Variants in TFEB observed in about 807,000 individuals in gnomAD.
The protein encoded by TFEB is T-cell transcription factor EB.
In TFEB, 12 loss-of-function variants were observed where a neutral mutation model predicts 48.0. The ratio of observed to expected loss-of-function variants is 0.25; its 90% CI spans 0.16 to 0.40. The LOEUF (loss-of-function observed/expected upper bound fraction) is 0.40, where lower values mean the gene tolerates loss of function less well. Among genes scored for constraint, TFEB ranks in the 10% least tolerant of loss-of-function variants. The probability of loss-of-function intolerance (pLI) is 1.00; values close to 1 mark genes in which losing one functional copy is unlikely to be tolerated. For missense variants in TFEB, 509 were observed against 640.3 expected, an observed-to-expected ratio of 0.79 and a Z score of 2.21; for synonymous variants, 244 against 261.4, an observed-to-expected ratio of 0.93 and a Z score of 0.64.
At chr6:41,722,423 C>T (rs1771020544) in intron 1 of TFEB, among the ~76,000 whole-genome samples, 1 of 152,218 alleles carries the variant, frequency 6.6e-6, no homozygotes, top group South Asian at 2.1e-4. Flanking sequence ...AGCAGACCCT[C>T]CATCCTCCTC....
Position 41,690,841 on chromosome 6 carries a change from G to A in TFEB, c.290C>T (p.Ser97Phe). The A allele has an allele frequency of 6.2e-7, 1 of 1,612,990 alleles. No individual in the cohort carries two copies. Among genetic ancestry groups the A allele is most frequent in the Admixed American group, 1.7e-5 (1 of 59,978 alleles). Residue 97 changes from serine to phenylalanine, a missense_variant, in exon 3 of 9, where the codon TCC becomes TTC. Coordinates refer to ENST00000373033, the MANE Select transcript of TFEB (RefSeq NM_001271944.2). ...SQHQKVREYL[S>F]ETYGNKFAAH... ...AGCAAACTTGTTCCCATAGGTCTCGGACAGGTACTCCCGCACCTTCTGATG... is the reference window on the plus strand; with the variant it reads ...AGCAAACTTGTTCCCATAGGTCTCGAACAGGTACTCCCGCACCTTCTGATG...
chr6:41,701,342 G>A (rs1386605824), intron 1 of TFEB, among the ~76,000 whole-genome samples: 2 of 152,194 alleles, frequency 1.3e-5, no homozygotes, highest in Non-Finnish European at 2.9e-5. Flanking sequence ...TGTCTGCCAT[G>A]CTTTGTTCTC....
intron 1 of TFEB, among the ~76,000 whole-genome samples, chr6:41,732,378 T>C (rs2127279750): frequency 6.6e-6 from 1 of 152,362 alleles, no homozygotes. Context: ...TAAGTAAGTG[T>C]AATGCAAACA....
intron 1 of TFEB, chr6:41,733,156 A>T: frequency 8.8e-6 from 5 of 570,208 alleles, no homozygotes; most frequent in Non-Finnish European, 1.1e-5. Context: ...GAGGGGTGGG[A>T]GTCCCCTTCC....
chr6:41,707,114 G>A (rs956758123), intron 1 of TFEB, among the ~76,000 whole-genome samples: 1 of 152,092 alleles, frequency 6.6e-6, no homozygotes, highest in Non-Finnish European at 1.5e-5. Context: ...TCAGGCAGCA[G>A]CTGCCTTACA....
At chr6:41,735,053 G>A (rs997472400) in intron 1 of TFEB, 39 of 985,020 alleles carry the variant, frequency 4.0e-5, no homozygotes, top group Non-Finnish European at 4.2e-5. Flanking sequence ...GCCCATGCCC[G>A]CCCGGCCCCT....
At position 41,686,397 on chromosome 6, in the gene TFEB, G is replaced by A. The variant is rs185526196; in HGVS notation, c.804-160C>T. ...GCTGATCTCAGTTTGCACAGAATGG[G>A]CCCTCCTGGTGACTTCTGTTGCCAC... is the stretch of plus-strand genomic sequence containing the variant. On this transcript the variant is annotated intron_variant, in intron 7 of 8. Transcript: ENST00000373033. The A allele has an allele frequency of 9.3e-5, 79 of 847,952 alleles. No individual in the cohort carries two copies. In the East Asian group the frequency reaches 2.0e-3, roughly 21 times the overall value. 52.5% of individuals were successfully genotyped at this position (847,952 alleles called of 1,614,324 possible). A position where few individuals can be genotyped will look rare whatever the true frequency, so the allele number is the denominator to read the frequency against.
rs528132834 is a variant in TFEB, at chr6:41,719,375, C to A, written c.-23+15975G>T. 2.0e-5 allele frequency among the ~76,000 whole-genome samples: 3 copies of A among 152,334 alleles called. No homozygotes were observed. The South Asian group carries it at 6.2e-4, about 32-fold the overall frequency. On this transcript the variant is annotated intron_variant, in intron 1 of 8. Transcript: ENST00000373033. Reference sequence around the variant, plus strand: ...CTCTTGAATGATCCTGAAACCCTCCCCTGCCATCCATCCATGGAAAAACTG... The same window carrying A: ...CTCTTGAATGATCCTGAAACCCTCCACTGCCATCCATCCATGGAAAAACTG...
intron 1 of TFEB, among the ~76,000 whole-genome samples, chr6:41,693,801 G>C (rs1769430319): frequency 6.6e-6 from 1 of 152,132 alleles, no homozygotes; most frequent in Non-Finnish European, 1.5e-5. Context: ...CCATCCTGCA[G>C]CAGGAACACA....
chr6:41,694,059 G>A lies in TFEB; in HGVS notation c.-22-2824C>T, dbSNP rs539186081. Among the ~76,000 whole-genome samples, 10 of 151,484 alleles carry A rather than the reference G, an allele frequency of 6.6e-5. No homozygotes were observed. In the South Asian group the frequency reaches 8.4e-4, roughly 13 times the overall value. On this transcript the variant is annotated intron_variant, in intron 1 of 8. Coordinates refer to ENST00000373033, the MANE Select transcript of TFEB (RefSeq NM_001271944.2). ...TGGCCCTGGTGGGGGTGTGGGCACC[G>A]GGCCTGGCAGTGCCAGCCGGCACAG...
intron 6 of TFEB, 45 bp from the exon 7 acceptor site, chr6:41,687,214 C>T (rs1206522847): frequency 1.9e-6 from 3 of 1,576,414 alleles, no homozygotes; most frequent in Non-Finnish European, 2.6e-6. Flanking sequence ...GGGATGGGGA[C>T]CCCCCACCCC....
At chr6:41,726,568 C>G (rs530302225) in intron 1 of TFEB, among the ~76,000 whole-genome samples, 1 of 152,196 alleles carries the variant, frequency 6.6e-6, no homozygotes, top group South Asian at 2.1e-4. Context: ...CTTAGCCTCC[C>G]AAGCTGGAAT....
At chr6:41,717,679 C>G (rs903742004) in intron 1 of TFEB, among the ~76,000 whole-genome samples, 4 of 152,090 alleles carry the variant, frequency 2.6e-5, no homozygotes, top group Non-Finnish European at 5.9e-5. Flanking sequence ...TGGGAGCAAG[C>G]AGGAGGGGGC....
chr6:41,693,919 G>A (rs1470493001), intron 1 of TFEB, among the ~76,000 whole-genome samples: 3 of 151,900 alleles, frequency 2.0e-5, no homozygotes, highest in African/African-American at 7.3e-5. Context: ...TAGCCCTACA[G>A]ACCTCATAGG....
chr6:41,687,213 A>AC (rs35948368), intron 6 of TFEB, 44 bp from the exon 7 acceptor site: 10 of 1,582,252 alleles, frequency 6.3e-6, no homozygotes, highest in Admixed American at 5.0e-5. Flanking sequence ...AGGGATGGGG[A>AC]CCCCCCACCC....
At chr6:41,708,009 G>A (rs148338045) in intron 1 of TFEB, among the ~76,000 whole-genome samples, 81 of 152,364 alleles carry the variant, frequency 5.3e-4, no homozygotes, top group African/African-American at 1.8e-3. Flanking sequence ...CGCTCAGCAC[G>A]TCTGTACCTC....
rs1009387246 is a variant in TFEB at position 41,691,526 on chromosome 6, C to T, written c.-22-291G>A. On this transcript the variant is annotated intron_variant, in intron 1 of 8. Transcript: ENST00000373033. This position sits in a 1 kb window ranked among gnomAD's most constrained non-coding sequence, Gnocchi z 5.2. ...TCAACTTCCACTCCTCTCTGTGTCACGCCCACATCCTGATCCTGTTAGATC... is the reference window on the plus strand; with the variant it reads ...TCAACTTCCACTCCTCTCTGTGTCATGCCCACATCCTGATCCTGTTAGATC... The T allele has an allele frequency of 3.1e-5, 19 of 612,402 alleles. No homozygotes were observed. In the East Asian group the frequency reaches 4.8e-4, roughly 16 times the overall value. The allele number at this position is 612,402 out of a possible 1,614,324, so 37.9% of individuals were successfully genotyped here. A position where few individuals can be genotyped will look rare whatever the true frequency, so the allele number is the denominator to read the frequency against.
At chr6:41,694,780 G>T (rs376501631) in intron 1 of TFEB, among the ~76,000 whole-genome samples, 1 of 152,062 alleles carries the variant, frequency 6.6e-6, no homozygotes. Context: ...CTGTGTACAG[G>T]TTCAGTAACA....
intron 1 of TFEB, among the ~76,000 whole-genome samples, chr6:41,712,014 C>T (rs970835451): frequency 6.6e-6 from 1 of 152,176 alleles, no homozygotes; most frequent in African/African-American, 2.4e-5. Flanking sequence ...GCCTATAGAG[C>T]TCAGCAGTGG....
Sources: gnomAD v4.1 joint callset for allele counts (sites outside exome capture counted in the v4.1 genomes callset) on GRCh38, gnomAD v4.1.1 for gene constraint, Gnocchi (gnomAD v3.1) non-coding constraint, MANE v1.5 for transcripts, NCBI Gene and HGNC (gene_info 2026-07-23, HGNC 2026-07-21) for gene names.